The following MBD4 variants were observed in gnomAD, a reference collection of about 807,000 sequenced individuals.
MBD4 encodes the protein methyl-CpG-binding domain protein 4.
Under a neutral mutation model 60.2 loss-of-function variants are expected in MBD4, and 53 were observed. The ratio of observed to expected loss-of-function variants is 0.88; its 90% CI spans 0.71 to 1.11. MBD4 has a LOEUF of 1.11. Among genes scored for constraint, MBD4 ranks in the 50% least tolerant of loss-of-function variants. The pLI is 0.00. For missense variants in MBD4, 619 were observed against 674.0 expected (o/e 0.92, Z 0.90); for synonymous variants, 231 against 229.8 (o/e 1.01, Z -0.05).
At chr3:129,437,691 G>A (rs369689297) in intron 2 of MBD4, 29 bp downstream of exon 2, 30 of 1,489,950 alleles carry the variant, frequency 2.0e-5, no homozygotes, top group Middle Eastern at 1.7e-4. Context: ...TCATTTGGCT[G>A]TACTATCTTT....
intron 5 of MBD4, 138 bp downstream of exon 5, chr3:129,433,712 G>T: frequency 1.1e-6 from 1 of 938,082 alleles, no homozygotes; most frequent in Non-Finnish European, 1.7e-6. Flanking sequence ...CCTCATAGGT[G>T]AAGAGTTTAA....
chr3:129,436,302 A>G (rs1469836144), intron 3 of MBD4, 159 bp downstream of exon 3: 5 of 793,396 alleles, frequency 6.3e-6, no homozygotes, highest in Non-Finnish European at 1.0e-5. Flanking sequence ...ATAAAGTATT[A>G]GGATCAACTG....
intron 2 of MBD4, 145 bp downstream of exon 2, chr3:129,437,575 T>G: frequency 1.5e-6 from 1 of 684,128 alleles, no homozygotes; most frequent in South Asian, 1.8e-5. Context: ...AATCACTTGA[T>G]GTAATTAATA....
rs139242730 is a variant in MBD4 at position 129,436,570 on chromosome 3, G to A, written c.1074C>T (p.Ile358=). The A allele has an allele frequency of 1.1e-4, 185 of 1,614,060 alleles. No homozygotes were observed. The African/African-American group carries it at 2.0e-3, about 17-fold the overall frequency. The part of the protein sequence containing the change: ...YEDTFLESEE[I]GTKVEVVERK... ...TTTCCACAACTTCTACTTTTGTTCC[G>A]ATTTCTTCAGATTCTAAAAAGGTAT... Residue 358 remains isoleucine, a synonymous_variant, in exon 3 of 8, where the codon ATC becomes ATT. Transcript: ENST00000429544.
rs1291883826 is a variant in MBD4, at chr3:129,436,747, G to A, written c.897C>T (p.Thr299=). 2 of 1,613,606 alleles carry A rather than the reference G, an allele frequency of 1.2e-6. No individual in the cohort carries two copies. The highest frequency in any genetic ancestry group is 1.1e-5 in the South Asian group (1 of 91,046). ...TGTTTTCTTCACTGGTCACACTGAG[G>A]GTCTCACCACATGCTCCAGCATCAG... ...CISDAGACGE[T]LSVTSEENSL... Residue 299 remains threonine, a synonymous_variant, in exon 3 of 8, where the codon ACC becomes ACT. Transcript: ENST00000429544.
At chr3:129,436,360 C>A in intron 3 of MBD4, 101 bp downstream of exon 3, 1 of 1,440,026 alleles carries the variant, frequency 6.9e-7, no homozygotes, top group Non-Finnish European at 9.6e-7. Flanking sequence ...CACATCTTAA[C>A]CATGTATGGG....
At position 129,433,917 on chromosome 3, in the gene MBD4, A is replaced by T. The variant is rs1420162190; in HGVS notation, c.1326T>A (p.Val442=). ...ATGGATCATGAAAAAGTGTTTCTTG[A>T]ACGAGATTAAAAGGTGACCGAGGAG... The part of the protein sequence containing the change: ...WTPPRSPFNL[V]QETLFHDPWK... The change falls in exon 5 of 8, where the codon GTT becomes GTA. Residue 442 remains valine, a synonymous_variant. Transcript: ENST00000429544. 1 of 1,614,192 alleles carries T rather than the reference A, an allele frequency of 6.2e-7. No homozygotes were observed. Among genetic ancestry groups the T allele is most frequent in the Non-Finnish European group, 8.5e-7 (1 of 1,180,012 alleles).
Position 129,437,241 on chromosome 3 carries a change from AAGTCTCTCCAT to A in MBD4, c.392_402del (p.Asn131IlefsTer3). ...AAATCAAAATCTTCTGGCTTAAGAG[AAGTCTCTCCAT>A]TTTTGTGAAGATAATTAGCAAGTGA... On this transcript the variant is annotated frameshift_variant, in exon 3 of 8. Transcript: ENST00000429544. LOFTEE classifies it high-confidence loss of function. The A allele has an allele frequency of 6.2e-7, 1 of 1,612,240 alleles. No individual in the cohort carries two copies. Among genetic ancestry groups the A allele is most frequent in the Non-Finnish European group, 8.5e-7 (1 of 1,179,334 alleles).
intron 6 of MBD4, among the ~76,000 whole-genome samples, 173 bp downstream of exon 6, chr3:129,432,925 T>A (rs1559797942): frequency 6.6e-6 from 1 of 152,200 alleles, no homozygotes; most frequent in Non-Finnish European, 1.5e-5. Flanking sequence ...GATTTATTGT[T>A]TAGGTCAGTG....
chr3:129,436,754 C>T lies in MBD4; in HGVS notation c.890G>A (p.Gly297Asp). Reference protein sequence around the residue: ...TVCISDAGACGETLSVTSEEN... With the variant: ...TVCISDAGACDETLSVTSEEN... ...TTCACTGGTCACACTGAGGGTCTCA[C>T]CACATGCTCCAGCATCAGAAATGCA... Residue 297 changes from glycine to aspartate, a missense_variant, in exon 3 of 8, where the codon GGT becomes GAT. Physicochemically the swap from Gly to Asp is moderately conservative, Grantham distance 94 (BLOSUM62 -1). Transcript: ENST00000429544. The T allele has an allele frequency of 6.2e-7, 1 of 1,614,068 alleles. No homozygotes were observed. Among genetic ancestry groups the T allele is most frequent in the Non-Finnish European group, 8.5e-7 (1 of 1,180,004 alleles).
At position 129,439,917 on chromosome 3, in the gene MBD4, TCACGG is replaced by T. The variant is rs2072716973; in HGVS notation, c.-89_-85del. ...GAGTAAGATGTGAAACCTCTTCAGC[TCACGG>T]CACCGGGCTGCAACCGAGGTCTGAA... On this transcript the variant is annotated 5_prime_UTR_variant, in exon 1 of 8. Coordinates refer to ENST00000429544, the MANE Select transcript of MBD4 (RefSeq NM_001276270.2). 3.1e-6 allele frequency: 3 copies of T among 982,610 alleles called. No homozygotes were observed. The African/African-American group carries it at 4.8e-5, about 16-fold the overall frequency. The allele number at this position is 982,610 out of a possible 1,614,324, so 60.9% of individuals were successfully genotyped here.
In MBD4 at chr3:129,439,759, G is replaced by C. The variant is rs1559807271; in HGVS notation, c.75C>G (p.Arg25=). The change falls in exon 1 of 8, where the codon CGC becomes CGG. Residue 25 remains arginine (R), a synonymous_variant. Transcript: ENST00000429544. ...GGTCATTCGGCGGGTCTGGGACTAGGCGCTCACTAGAGGTGACGGTGGGGG... is the reference window on the plus strand; with the variant it reads ...GGTCATTCGGCGGGTCTGGGACTAGCCGCTCACTAGAGGTGACGGTGGGGG... ...GAAPTVTSSE[R]LVPDPPNDLR... The C allele has an allele frequency of 6.2e-7, 1 of 1,602,830 alleles. No homozygotes were observed. Among genetic ancestry groups the C allele is most frequent in the East Asian group, 2.3e-5 (1 of 44,408 alleles).
rs766393649 is a variant in MBD4 at position 129,434,080 on chromosome 3, TG to T, written c.1239del (p.Ser414AlafsTer71). 6.2e-7 allele frequency: 1 copy of T among 1,614,154 alleles called. No homozygotes were observed. Among genetic ancestry groups the T allele is most frequent in the Non-Finnish European group, 8.5e-7 (1 of 1,179,994 alleles). ...IERRKTSLYF[S>X]SKYNKEALSP... ...GGGATACCTTCTTTGTTATATTTGC[TG>T]GAAAAATACAGGCTTGTTTTCCTTC... On this transcript the variant is annotated frameshift_variant, in exon 4 of 8. Coordinates refer to ENST00000429544, the MANE Select transcript of MBD4 (RefSeq NM_001276270.2). LOFTEE classifies it high-confidence loss of function.
chr3:129,437,202 T>C lies in MBD4; in HGVS notation c.442A>G (p.Lys148Glu). Residue 148 changes from lysine to glutamate, a missense_variant, in exon 3 of 8, where the codon AAA becomes GAA. Physicochemically the swap from Lys to Glu is moderately conservative, Grantham distance 56 (BLOSUM62 1). Coordinates refer to ENST00000429544, the MANE Select transcript of MBD4 (RefSeq NM_001276270.2). Reference sequence around the variant, plus strand: ...TTATATCTTGACTTGATACCCCTTTTAGAAAGTACAGTAAAATCAAAATCT... The same window carrying C: ...TTATATCTTGACTTGATACCCCTTTCAGAAAGTACAGTAAAATCAAAATCT... ...PEDFDFTVLS[K>E]RGIKSRYKDC... 2 of 1,613,892 alleles carry C rather than the reference T, an allele frequency of 1.2e-6. No homozygotes were observed. Among genetic ancestry groups the C allele is most frequent in the South Asian group, 1.1e-5 (1 of 90,964 alleles).
Position 129,434,150 on chromosome 3 carries a change from G to A in MBD4, c.1184-14C>T, listed in dbSNP as rs1465614250. ...GGATGGTATCTTCTGAAAAGGAAAAGTAAACACTTTATGGAGTCTATGGTT... is the reference window on the plus strand; with the variant it reads ...GGATGGTATCTTCTGAAAAGGAAAAATAAACACTTTATGGAGTCTATGGTT... On this transcript the variant is annotated splice_polypyrimidine_tract_variant and intron_variant, in intron 3 of 7. Coordinates refer to ENST00000429544, the MANE Select transcript of MBD4 (RefSeq NM_001276270.2). 1 of 1,601,920 alleles carries A rather than the reference G, an allele frequency of 6.2e-7. No homozygotes were observed. Among genetic ancestry groups the A allele is most frequent in the Non-Finnish European group, 8.6e-7 (1 of 1,169,080 alleles).
chr3:129,432,582 T>G lies in MBD4; in HGVS notation c.1568A>C (p.Lys523Thr). 2 of 1,614,210 alleles carry G rather than the reference T, an allele frequency of 1.2e-6. No homozygotes were observed. The highest frequency in any genetic ancestry group is 3.3e-4 in the Middle Eastern group (2 of 6,062). ...FSDEYLTKQW[K>T]YPIELHGIGK... ...AATCCCATGAAGCTCAATTGGATAC[T>G]TCCACTGCTTTGTCAGGTATTCATC... Residue 523 changes from lysine to threonine, a missense_variant, in exon 7 of 8, where the codon AAG (lysine) becomes ACG (threonine). Physicochemically the swap from Lys to Thr is moderately conservative, Grantham distance 78. Coordinates refer to ENST00000429544, the MANE Select transcript of MBD4 (RefSeq NM_001276270.2).
chr3:129,438,486 T>C (rs1447684745), intron 1 of MBD4, among the ~76,000 whole-genome samples: 2 of 152,176 alleles, frequency 1.3e-5, no homozygotes, highest in Non-Finnish European at 2.9e-5. Context: ...GGTAACCTTG[T>C]AGGTACAATA....
Position 129,436,709 on chromosome 3 carries a change from T to A in MBD4, c.935A>T (p.Lys312Ile). 1 of 1,614,182 alleles carries A rather than the reference T, an allele frequency of 6.2e-7. No individual in the cohort carries two copies. Among genetic ancestry groups the A allele is most frequent in the Non-Finnish European group, 8.5e-7 (1 of 1,180,034 alleles). Residue 312 changes from lysine (K) to isoleucine (I), a missense_variant, in exon 3 of 8, where the codon AAA becomes ATA. By Grantham distance (102) the Lys-to-Ile change is moderately radical. Coordinates refer to ENST00000429544, the MANE Select transcript of MBD4 (RefSeq NM_001276270.2). ...VTSEENSLVK[K>I]KERSLSSGSN... Reference sequence around the variant, plus strand: ...TCCTGAACTCAATGATCTTTCTTTTTTTTTTACAAGGCTGTTTTCTTCACT... The same window carrying A: ...TCCTGAACTCAATGATCTTTCTTTTATTTTTACAAGGCTGTTTTCTTCACT...
In MBD4 at chr3:129,437,284, G is replaced by A; in HGVS notation, c.360C>T (p.Ser120=). The A allele has an allele frequency of 3.1e-6, 5 of 1,607,934 alleles. No homozygotes were observed. The highest frequency in any genetic ancestry group is 4.2e-6 in the Non-Finnish European group (5 of 1,179,710). ...FISPQGLKFR[S]KSSLANYLHK... ...GAAGATAATTAGCAAGTGAACTTTT[G>A]GATCTGAACTTCAGTCCTTGTGGGC... The change falls in exon 3 of 8, where the codon TCC becomes TCT. Residue 120 remains serine, a synonymous_variant. Coordinates refer to ENST00000429544, the MANE Select transcript of MBD4 (RefSeq NM_001276270.2).
Sources: gnomAD v4.1 joint callset for allele counts (sites outside exome capture counted in the v4.1 genomes callset) on GRCh38, gnomAD v4.1.1 for gene constraint, MANE v1.5 for transcripts, NCBI Gene and HGNC (gene_info 2026-07-23, HGNC 2026-07-21) for gene names.